DNAH7: variants seen among roughly 807,000 people sequenced by gnomAD.
DNAH7 encodes the protein axonemal beta dynein heavy chain 7.
Under a neutral mutation model 444.6 loss-of-function variants are expected in DNAH7, and 397 were observed. The observed-to-expected ratio is 0.89, with a 90% CI of 0.82 to 0.97. DNAH7 has a LOEUF of 0.97. DNAH7 is among the 50% of genes least tolerant of loss of function. The pLI is 0.00. For missense variants in DNAH7, 4,902 were observed against 4,800.8 expected, an observed-to-expected ratio of 1.02 and a Z score of -0.62; for synonymous variants, 1,636 against 1,624.4, an observed-to-expected ratio of 1.01 and a Z score of -0.17.
At chr2:195,924,763 C>A (rs1313513727) in intron 22 of DNAH7, among the ~76,000 whole-genome samples, 1 of 152,040 alleles carries the variant, frequency 6.6e-6, no homozygotes. Flanking sequence ...TGCTAATAAA[C>A]AAAACATTGA....
At chr2:195,874,059 C>A (rs1700880926) in intron 38 of DNAH7, among the ~76,000 whole-genome samples, 1 of 151,980 alleles carries the variant, frequency 6.6e-6, no homozygotes, top group Non-Finnish European at 1.5e-5. Context: ...TAATATTATA[C>A]AATATTAACG....
At chr2:195,790,452 G>A (rs1237542913) in intron 57 of DNAH7, among the ~76,000 whole-genome samples, 1 of 146,298 alleles carries the variant, frequency 6.8e-6, no homozygotes, top group African/African-American at 2.5e-5. Context: ...AACCAAAACA[G>A]CATGGTACTG....
At chr2:195,829,775 T>C (rs1242296198) in intron 48 of DNAH7, among the ~76,000 whole-genome samples, 1 of 152,038 alleles carries the variant, frequency 6.6e-6, no homozygotes, top group Non-Finnish European at 1.5e-5. Context: ...TTATGAAACT[T>C]AAATATTACA....
chr2:195,876,637 T>C lies in DNAH7; in HGVS notation c.6024A>G (p.Ala2008=). 1 of 1,612,438 alleles carries C rather than the reference T, an allele frequency of 6.2e-7. No homozygotes were observed. Among genetic ancestry groups the C allele is most frequent in the Middle Eastern group, 1.7e-4 (1 of 6,058 alleles). Reference sequence around the variant, plus strand: ...TCTGAGTTTGAGCTGCTGTAGTTTGTGCTGAGAAGTTAATTAGCAGAGGTT... The same window carrying C: ...TCTGAGTTTGAGCTGCTGTAGTTTGCGCTGAGAAGTTAATTAGCAGAGGTT... ...IYKPLLINFS[A]QTTAAQTQNI... is the part of the protein sequence containing the mutation. The change falls in exon 37 of 65, where the codon GCA becomes GCG. Residue 2008 remains alanine (A), a synonymous_variant. Transcript: ENST00000312428.
chr2:196,065,174 T>C (rs533260148), intron 1 of DNAH7, among the ~76,000 whole-genome samples: 1 of 152,328 alleles, frequency 6.6e-6, no homozygotes, highest in Admixed American at 6.5e-5. Flanking sequence ...ATTTAGGATC[T>C]ACACTGCATG....
In DNAH7 at chr2:195,861,820, A is replaced by G. The variant is rs990818783; in HGVS notation, c.7633T>C (p.Ser2545Pro). Residue 2545 changes from serine (S) to proline (P), a missense_variant, in exon 42 of 65, where the codon TCC becomes CCC. Physicochemically the swap from Ser to Pro is moderately conservative, Grantham distance 74. Transcript: ENST00000312428. ...KSFHTSTIDL[S>P]KSFFVELQRY... ...TGAAGTTCAACAAAGAAAGATTTGGATAAATCTATAGTAGAAGTGTGGAAG... is the reference window on the plus strand; with the variant it reads ...TGAAGTTCAACAAAGAAAGATTTGGGTAAATCTATAGTAGAAGTGTGGAAG... The G allele has an allele frequency of 4.3e-6, 7 of 1,613,076 alleles. No individual in the cohort carries two copies. The highest frequency in any genetic ancestry group is 1.7e-5 in the Admixed American group (1 of 60,002).
Position 195,988,136 on chromosome 2 carries a change from C to G in DNAH7, c.1447G>C (p.Glu483Gln), listed in dbSNP as rs764638737. ...KEKIKEVIMK[E>Q]SVAPTEHLRL... ...AGGTGCTCAGTAGGTGCCACACTCTCTTTCATAATAACTTCCTTGATCTTT... is the reference window on the plus strand; with the variant it reads ...AGGTGCTCAGTAGGTGCCACACTCTGTTTCATAATAACTTCCTTGATCTTT... Residue 483 changes from glutamate to glutamine, a missense_variant, in exon 13 of 65, where the codon GAG (glutamate) becomes CAG (glutamine). Transcript: ENST00000312428. 1.1e-5 allele frequency: 18 copies of G among 1,613,542 alleles called. No homozygotes were observed. In the Admixed American group the frequency reaches 3.0e-4, roughly 27 times the overall value.
rs1197467715 is a variant in DNAH7, at chr2:196,026,843, T to C, written c.584A>G (p.His195Arg). 1 of 1,612,562 alleles carries C rather than the reference T, an allele frequency of 6.2e-7. No homozygotes were observed. Among genetic ancestry groups the C allele is most frequent in the Admixed American group, 1.7e-5 (1 of 59,940 alleles). Residue 195 changes from histidine (H) to arginine (R), a missense_variant, in exon 7 of 65, where the codon CAT becomes CGT. Transcript: ENST00000312428. ...TATGCTGTCAGTGAAGACTTTCAGA[T>C]GTTGTGGAACTAAATCCAGTACGTG... is the stretch of plus-strand genomic sequence containing the variant. ...LEHVLDLVPQ[H>R]LKVFTDSIVT...
At chr2:195,766,640 A>C (rs1005418179) in intron 61 of DNAH7, among the ~76,000 whole-genome samples, 1 of 152,182 alleles carries the variant, frequency 6.6e-6, no homozygotes, top group Non-Finnish European at 1.5e-5. Flanking sequence ...CAACAGAGTG[A>C]CTACAGTCAA....
chr2:195,881,718 A>G, intron 36 of DNAH7, 77 bp downstream of exon 36: 4 of 1,435,572 alleles, frequency 2.8e-6, no homozygotes, highest in Non-Finnish European at 3.8e-6. Context: ...TTTTTAAAAA[A>G]TTATTTGTCT....
At chr2:195,953,192 T>C (rs1373237906) in intron 19 of DNAH7, among the ~76,000 whole-genome samples, 1 of 152,188 alleles carries the variant, frequency 6.6e-6, no homozygotes, top group Non-Finnish European at 1.5e-5. Context: ...CTCAGGCCCC[T>C]CTGCTGCAGG....
chr2:195,980,000 A>G (rs1369954058), intron 15 of DNAH7, among the ~76,000 whole-genome samples: 1 of 150,912 alleles, frequency 6.6e-6, no homozygotes, highest in Non-Finnish European at 1.5e-5. Flanking sequence ...CAACAAGGAA[A>G]AGCCCACGAC....
At chr2:195,871,411 G>A (rs540073234) in intron 40 of DNAH7, among the ~76,000 whole-genome samples, 7 of 151,978 alleles carry the variant, frequency 4.6e-5, no homozygotes, top group Non-Finnish European at 1.0e-4. Flanking sequence ...CAATTCTCCC[G>A]CCTCAGCCTC....
intron 10 of DNAH7, among the ~76,000 whole-genome samples, chr2:196,009,666 A>T (rs1331662076): frequency 6.6e-6 from 1 of 152,220 alleles, no homozygotes; most frequent in African/African-American, 2.4e-5. Flanking sequence ...AACAAACAGG[A>T]TAACATCAAG....
chr2:195,888,862 C>G lies in DNAH7; in HGVS notation c.5166G>C (p.Gln1722His), dbSNP rs1478293612. ...AAATTAGATTCATTTGTGGTGACATCTGAATAATCTCCCCACTCATCAGAC... is the reference window on the plus strand; with the variant it reads ...AAATTAGATTCATTTGTGGTGACATGTGAATAATCTCCCCACTCATCAGAC... Reference protein sequence around the residue: ...KLCLMSGEIIQMSPQMNLIFE... With the variant: ...KLCLMSGEIIHMSPQMNLIFE... The change falls in exon 32 of 65, where the codon CAG becomes CAC. Residue 1722 changes from glutamine (Q) to histidine (H), a missense_variant. By Grantham distance (24) the Gln-to-His change is conservative. Transcript: ENST00000312428. 3.1e-6 allele frequency: 5 copies of G among 1,613,846 alleles called. No homozygotes were observed. The highest frequency in any genetic ancestry group is 1.6e-4 in the Middle Eastern group (1 of 6,080).
rs545897642 is a variant in DNAH7, at chr2:196,029,934, T to C, written c.399-1887A>G. On this transcript the variant is annotated intron_variant, in intron 5 of 64. Transcript: ENST00000312428. ...GTGGCATGAGCATCCCTTTTTTAAA[T>C]TGCCCTGAAAAAAAATGGTAGTGAA... Among the ~76,000 whole-genome samples the C allele has an allele frequency of 2.0e-4, 31 of 152,138 alleles. No individual in the cohort carries two copies. In the South Asian group the frequency reaches 5.0e-3, roughly 24 times the overall value.
intron 2 of DNAH7, among the ~76,000 whole-genome samples, chr2:196,056,951 T>C (rs1697846009): frequency 6.6e-6 from 1 of 152,110 alleles, no homozygotes. Context: ...GAATGAGGTG[T>C]GCAGAAAGGG....
chr2:195,817,667 A>C, intron 50 of DNAH7, 29 bp downstream of exon 50: 2 of 1,566,546 alleles, frequency 1.3e-6, no homozygotes, highest in Non-Finnish European at 1.7e-6. Context: ...GAAACAAATA[A>C]GAATAGTTCT....
At chr2:195,986,990 T>C in intron 14 of DNAH7, 76 bp downstream of exon 14, 1 of 1,289,428 alleles carries the variant, frequency 7.8e-7, no homozygotes, top group Non-Finnish European at 1.0e-6. Flanking sequence ...TTTAATCAAT[T>C]ACTCTAGTTG....
Sources: gnomAD v4.1 joint callset for allele counts (sites outside exome capture counted in the v4.1 genomes callset) on GRCh38, gnomAD v4.1.1 for gene constraint, MANE v1.5 for transcripts, NCBI Gene and HGNC (gene_info 2026-07-23, HGNC 2026-07-21) for gene names.